METTL16: variants seen among roughly 807,000 people sequenced by gnomAD.
The protein encoded by METTL16 is methyltransferase 16, RNA N6-adenosine, also known as RNA N(6)-adenosine-methyltransferase METTL16.
A neutral mutation model predicts 57.9 loss-of-function variants in METTL16; 19 were observed. The observed-to-expected ratio is 0.33, with a 90% CI of 0.23 to 0.48. The LOEUF (loss-of-function observed/expected upper bound fraction) is 0.48, where lower values mean the gene tolerates loss of function less well. METTL16 is among the 20% of genes least tolerant of loss of function. METTL16 has a pLI of 0.99. For synonymous variants in METTL16, 246 were observed against 255.6 expected (o/e 0.96, Z 0.36); for missense variants, 434 against 691.5 (o/e 0.63, Z 4.18).
chr17:2,511,149 TC>T (rs2067584086), intron 1 of METTL16, among the ~76,000 whole-genome samples: 1 of 151,920 alleles, frequency 6.6e-6, no homozygotes, highest in African/African-American at 2.4e-5. Flanking sequence ...CTGGAACTTT[TC>T]TTCCCGGTTA....
intron 1 of METTL16, among the ~76,000 whole-genome samples, chr17:2,509,216 G>A (rs921928550): frequency 6.6e-6 from 1 of 152,146 alleles, no homozygotes; most frequent in Non-Finnish European, 1.5e-5. Flanking sequence ...CCAGCAACCT[G>A]TATACAATAA....
At position 2,469,191 on chromosome 17, in the gene METTL16, T is replaced by C. The variant is rs56836279; in HGVS notation, c.470-1315A>G. ...GACAGAGGTTGCAGTGAGCAGCAGATTGTGCCATTGCACTCCAGCCTGGGC... is the reference window on the plus strand; with the variant it reads ...GACAGAGGTTGCAGTGAGCAGCAGACTGTGCCATTGCACTCCAGCCTGGGC... On this transcript the variant is annotated intron_variant, in intron 4 of 9. Coordinates refer to ENST00000263092, the MANE Select transcript of METTL16 (RefSeq NM_024086.4). Among the ~76,000 whole-genome samples, 1,501 of 152,248 alleles carry C rather than the reference T, an allele frequency of 9.9e-3. 14 individuals carry two copies. The highest frequency in any genetic ancestry group is 0.017 in the East Asian group (86 of 5,186).
At chr17:2,461,147 C>G (rs1451518922) in intron 6 of METTL16, among the ~76,000 whole-genome samples, 1 of 151,990 alleles carries the variant, frequency 6.6e-6, no homozygotes, top group African/African-American at 2.4e-5. Context: ...GAGGTCAAGA[C>G]TTCGAGACCA....
At chr17:2,430,272 C>T (rs2066862939) in intron 8 of METTL16, among the ~76,000 whole-genome samples, 1 of 151,970 alleles carries the variant, frequency 6.6e-6, no homozygotes, top group African/African-American at 2.4e-5. Context: ...ACCACCACTC[C>T]TGGCTATTTT....
At position 2,489,596 on chromosome 17, in the gene METTL16, G is replaced by A. The variant is rs375715453; in HGVS notation, c.129-11711C>T. On this transcript the variant is annotated intron_variant, in intron 2 of 9. Transcript: ENST00000263092. The stretch of plus-strand genomic sequence containing the variant: ...ACTAAAAATGCAAAAAAAATTAGCT[G>A]GGCGTGGTGGCACGTGCCTGTAACC... Among the ~76,000 whole-genome samples the A allele has an allele frequency of 2.0e-5, 3 of 151,852 alleles. No individual in the cohort carries two copies. In the East Asian group the frequency reaches 5.8e-4, roughly 29 times the overall value.
At chr17:2,433,910 C>G (rs565260417) in intron 8 of METTL16, among the ~76,000 whole-genome samples, 2 of 152,300 alleles carry the variant, frequency 1.3e-5, no homozygotes, top group South Asian at 4.1e-4. Context: ...TTCCTTTTCT[C>G]AACTCCTGGC....
rs145671392 is a variant in METTL16 at position 2,441,435 on chromosome 17, C to A, written c.798+55G>T. The A allele has an allele frequency of 3.5e-4, 455 of 1,293,914 alleles. No individual in the cohort carries two copies. The African/African-American group carries it at 4.0e-3, about 12-fold the overall frequency. 80.2% of individuals were successfully genotyped at this position (1,293,914 alleles called of 1,614,324 possible). A position where few individuals can be genotyped will look rare whatever the true frequency, so the allele number is the denominator to read the frequency against. On this transcript the variant is annotated intron_variant, in intron 7 of 9. Transcript: ENST00000263092. ...TCAATGTAGCAAAACTGTACTTGTG[C>A]CCCATGGATACAAAGAAAAGTAGCT...
chr17:2,416,301 TCC>T lies in METTL16; in HGVS notation c.*3667_*3668del, dbSNP rs892927978. 2 of 152,124 alleles carry T rather than the reference TCC, an allele frequency of 1.3e-5. No homozygotes were observed. Among genetic ancestry groups the T allele is most frequent in the Admixed American group, 6.5e-5 (1 of 15,278 alleles). 9.4% of individuals were successfully genotyped at this position (152,124 alleles called of 1,614,324 possible). ...AGGAGCTGGTCGTGAAGTCATCAGCTCCCTTCTTTCAAAAGGCCTCGGATTTC... is the reference window on the plus strand; with the variant it reads ...AGGAGCTGGTCGTGAAGTCATCAGCTCTTCTTTCAAAAGGCCTCGGATTTC... On this transcript the variant is annotated 3_prime_UTR_variant, in exon 10 of 10. Transcript: ENST00000263092.
chr17:2,480,494 C>T (rs574913621), intron 2 of METTL16, among the ~76,000 whole-genome samples: 9 of 152,264 alleles, frequency 5.9e-5, no homozygotes, highest in African/African-American at 2.2e-4. Context: ...CAATGACGCT[C>T]CCATCGCTAC....
chr17:2,497,883 C>T (rs546127400), intron 2 of METTL16, among the ~76,000 whole-genome samples: 3 of 151,716 alleles, frequency 2.0e-5, no homozygotes, highest in East Asian at 3.9e-4. Flanking sequence ...TGAGGCACTG[C>T]GCTTGGCCTT....
intron 2 of METTL16, among the ~76,000 whole-genome samples, chr17:2,484,791 G>A (rs1447825833): frequency 1.3e-5 from 2 of 152,134 alleles, no homozygotes; most frequent in African/African-American, 4.8e-5. Flanking sequence ...ACCGCGCCTG[G>A]TGACCACCAC....
At chr17:2,447,905 G>A (rs2067021889) in intron 6 of METTL16, among the ~76,000 whole-genome samples, 1 of 104,274 alleles carries the variant, frequency 9.6e-6, no homozygotes, top group South Asian at 3.7e-4. Context: ...GAGGTGGGGG[G>A]GGTCAGCCCC....
intron 2 of METTL16, among the ~76,000 whole-genome samples, chr17:2,489,070 T>C (rs1301155276): frequency 6.6e-6 from 1 of 151,620 alleles, no homozygotes; most frequent in Non-Finnish European, 1.5e-5. Context: ...ACTGGCAAAA[T>C]AAAAAATTGT....
rs2066735632 is a variant in METTL16, at chr17:2,418,316, A to C, written c.*1654T>G. 6.6e-6 allele frequency: 1 copy of C among 152,106 alleles called. No homozygotes were observed. The highest frequency in any genetic ancestry group is 2.4e-5 in the African/African-American group (1 of 41,400). 9.4% of individuals were successfully genotyped at this position (152,106 alleles called of 1,614,324 possible). The stretch of plus-strand genomic sequence containing the variant: ...TTAAGAACACTGGTCAGAGGCTGGG[A>C]GTAGTGGCTCACGGCTGTAATCCCA... On this transcript the variant is annotated 3_prime_UTR_variant, in exon 10 of 10. Transcript: ENST00000263092.
At chr17:2,477,391 G>C (rs547864355) in intron 3 of METTL16, 36 of 295,810 alleles carry the variant, frequency 1.2e-4, no homozygotes, top group Non-Finnish European at 2.1e-4. Context: ...GAAGTGTTTT[G>C]GATTTCAATT....
In METTL16 at chr17:2,484,627, T is replaced by C. The variant is rs757798806; in HGVS notation, c.129-6742A>G. Among the ~76,000 whole-genome samples, 18 of 152,226 alleles carry C rather than the reference T, an allele frequency of 1.2e-4. No individual in the cohort carries two copies. In the East Asian group the frequency reaches 2.5e-3, roughly 21 times the overall value. The stretch of plus-strand genomic sequence containing the variant: ...CTTCTGCCTCAACCTCCTGAGTAGA[T>C]AGGACTACAGACATGTACCACCATG... On this transcript the variant is annotated intron_variant, in intron 2 of 9. Coordinates refer to ENST00000263092, the MANE Select transcript of METTL16 (RefSeq NM_024086.4).
intron 6 of METTL16, among the ~76,000 whole-genome samples, chr17:2,459,135 TTAAG>T (rs1435193949): frequency 2.6e-5 from 4 of 152,052 alleles, no homozygotes; most frequent in Non-Finnish European, 2.9e-5. Context: ...AAAAAAGCTA[TTAAG>T]TAAGCTCAAG....
At chr17:2,496,278 T>TA (rs901108326) in intron 2 of METTL16, among the ~76,000 whole-genome samples, 1 of 151,566 alleles carries the variant, frequency 6.6e-6, no homozygotes, top group Non-Finnish European at 1.5e-5. Flanking sequence ...TAGAAATATT[T>TA]AAAAAAAAGT....
chr17:2,447,238 G>A (rs1316775835), intron 6 of METTL16, among the ~76,000 whole-genome samples: 3 of 147,312 alleles, frequency 2.0e-5, no homozygotes, highest in Non-Finnish European at 4.5e-5. Context: ...CCGCCGCCCT[G>A]TCTGGGATGT....
Sources: allele counts gnomAD v4.1 joint callset (sites outside exome capture counted in the v4.1 genomes callset), GRCh38; gene constraint gnomAD v4.1.1; transcripts MANE v1.5; gene names NCBI Gene and HGNC (gene_info 2026-07-23, HGNC 2026-07-21).